The following GABRA2 variants were observed in gnomAD, a reference collection of about 807,000 sequenced individuals.
GABRA2 encodes gamma-aminobutyric acid type A receptor subunit alpha2, also known as gamma-aminobutyric acid receptor subunit alpha-2.
Under a neutral mutation model 48.7 loss-of-function variants are expected in GABRA2, and 16 were observed. The ratio of observed to expected loss-of-function variants is 0.33; its 90% CI spans 0.22 to 0.50. The LOEUF (loss-of-function observed/expected upper bound fraction) is 0.50, where lower values mean the gene tolerates loss of function less well. Ranked by LOEUF, GABRA2 falls within the 20% of genes least tolerant of loss-of-function variation. GABRA2 has a pLI of 0.98. For synonymous variants in GABRA2, 185 were observed against 184.5 expected (o/e 1.00, Z -0.02); for missense variants, 275 against 535.6 (o/e 0.51, Z 4.80).
At chr4:46,302,024 A>G (rs1464370395) in intron 8 of GABRA2, among the ~76,000 whole-genome samples, 1 of 152,150 alleles carries the variant, frequency 6.6e-6, no homozygotes, top group East Asian at 1.9e-4. Context: ...GAAGTTTGTT[A>G]TTAAATAAAC....
intron 8 of GABRA2, among the ~76,000 whole-genome samples, chr4:46,297,292 G>A (rs1161686028): frequency 6.6e-6 from 1 of 151,594 alleles, no homozygotes; most frequent in Admixed American, 6.6e-5. Flanking sequence ...AACGTGGAAA[G>A]ATTAGACTGG....
chr4:46,330,393 G>A (rs1731124483), intron 4 of GABRA2, among the ~76,000 whole-genome samples: 1 of 151,732 alleles, frequency 6.6e-6, no homozygotes. Flanking sequence ...CCCAAAGAGT[G>A]GTCACAACAA....
chr4:46,287,967 T>G (rs1577915024), intron 8 of GABRA2, among the ~76,000 whole-genome samples: 1 of 152,188 alleles, frequency 6.6e-6, no homozygotes, highest in South Asian at 2.1e-4. Flanking sequence ...AGTCACATCT[T>G]ACATGGATAG....
intron 3 of GABRA2, among the ~76,000 whole-genome samples, chr4:46,336,618 G>T (rs973615215): frequency 2.0e-5 from 3 of 152,102 alleles, no homozygotes; most frequent in African/African-American, 7.2e-5. Context: ...TTGATAACAG[G>T]TACTTTAGGA....
At chr4:46,378,123 C>A (rs1646689132) in intron 3 of GABRA2, among the ~76,000 whole-genome samples, 2 of 152,042 alleles carry the variant, frequency 1.3e-5, no homozygotes, top group South Asian at 2.1e-4. Context: ...AAGTGAGGAG[C>A]CCCTCTGCCC....
chr4:46,247,008 T>C lies in GABRA2; in HGVS notation c.*3300A>G, dbSNP rs985434445. Among the ~76,000 whole-genome samples, 29 of 151,254 alleles carry C rather than the reference T, an allele frequency of 1.9e-4. No individual in the cohort carries two copies. The highest frequency in any genetic ancestry group is 8.3e-4 in the South Asian group (4 of 4,824). On this transcript the variant is annotated 3_prime_UTR_variant, in exon 10 of 10. Coordinates refer to ENST00000381620, the MANE Select transcript of GABRA2 (RefSeq NM_000807.4). ...CAAAAAGAGCCACATAAATGCAAATTATACTTACCAAATAATGAGAGTAAA... is the reference window on the plus strand; with the variant it reads ...CAAAAAGAGCCACATAAATGCAAATCATACTTACCAAATAATGAGAGTAAA...
At chr4:46,353,139 A>G (rs1735414378) in intron 3 of GABRA2, among the ~76,000 whole-genome samples, 1 of 152,124 alleles carries the variant, frequency 6.6e-6, no homozygotes, top group Admixed American at 6.6e-5. Flanking sequence ...ATCATATTTA[A>G]GATAATCCTT....
intron 8 of GABRA2, among the ~76,000 whole-genome samples, chr4:46,283,544 A>C (rs1688879653): frequency 6.6e-6 from 1 of 152,226 alleles, no homozygotes; most frequent in Non-Finnish European, 1.5e-5. Flanking sequence ...AGTCGAAATG[A>C]ATCAGGGCTA....
chr4:46,283,799 A>G (rs1273340648), intron 8 of GABRA2, among the ~76,000 whole-genome samples: 1 of 152,166 alleles, frequency 6.6e-6, no homozygotes, highest in Non-Finnish European at 1.5e-5. Context: ...TCACTCTGTC[A>G]CCCAGGCCGG....
At chr4:46,340,171 T>G (rs1732972509) in intron 3 of GABRA2, among the ~76,000 whole-genome samples, 1 of 151,894 alleles carries the variant, frequency 6.6e-6, no homozygotes, top group Non-Finnish European at 1.5e-5. Context: ...GAACACTGCT[T>G]GCACTCATTC....
intron 3 of GABRA2, among the ~76,000 whole-genome samples, chr4:46,350,442 T>C (rs1734928650): frequency 1.3e-5 from 2 of 151,910 alleles, no homozygotes; most frequent in African/African-American, 4.8e-5. Flanking sequence ...ATGATATATA[T>C]GTAGGTATAT....
Position 46,246,075 on chromosome 4 carries a change from T to C in GABRA2, c.*4233A>G, listed in dbSNP as rs1224327040. Among the ~76,000 whole-genome samples the C allele has an allele frequency of 6.6e-6, 1 of 151,060 alleles. No homozygotes were observed. Among genetic ancestry groups the C allele is most frequent in the Non-Finnish European group, 1.5e-5 (1 of 67,370 alleles). On this transcript the variant is annotated 3_prime_UTR_variant, in exon 10 of 10. Transcript: ENST00000381620. Reference sequence around the variant, plus strand: ...AAATGACTTTCACATGAACTTTCTCTACTTTAGTATTTTAGTTATGATGCT... The same window carrying C: ...AAATGACTTTCACATGAACTTTCTCCACTTTAGTATTTTAGTTATGATGCT...
At chr4:46,274,115 G>A (rs1473293197) in intron 8 of GABRA2, among the ~76,000 whole-genome samples, 1 of 152,082 alleles carries the variant, frequency 6.6e-6, no homozygotes, top group African/African-American at 2.4e-5. Flanking sequence ...CTGACAGAAG[G>A]ATTGCTGATG....
At chr4:46,371,922 T>C (rs1429248320) in intron 3 of GABRA2, among the ~76,000 whole-genome samples, 1 of 152,186 alleles carries the variant, frequency 6.6e-6, no homozygotes, top group African/African-American at 2.4e-5. Flanking sequence ...TTGTAGGACA[T>C]GGTAGCCTGA....
chr4:46,292,263 C>A (rs144419653), intron 8 of GABRA2, among the ~76,000 whole-genome samples: 14 of 152,280 alleles, frequency 9.2e-5, no homozygotes, highest in Middle Eastern at 3.4e-3. Flanking sequence ...AGCCTCAAAT[C>A]CGCTAAGATT....
chr4:46,374,706 AT>A (rs965807780), intron 3 of GABRA2, among the ~76,000 whole-genome samples: 9 of 152,040 alleles, frequency 5.9e-5, no homozygotes, highest in African/African-American at 2.2e-4. Flanking sequence ...ATTTTAGTAT[AT>A]TTTTTGATGA....
chr4:46,256,530 A>G (rs1279337201), intron 9 of GABRA2, among the ~76,000 whole-genome samples: 4 of 151,586 alleles, frequency 2.6e-5, no homozygotes, highest in African/African-American at 9.6e-5. Context: ...TTTCTCTGAG[A>G]AAACTTATAT....
chr4:46,336,331 A>G (rs983650550), intron 3 of GABRA2, among the ~76,000 whole-genome samples: 2 of 152,180 alleles, frequency 1.3e-5, no homozygotes, highest in African/African-American at 4.8e-5. Flanking sequence ...TTGAGAGTAT[A>G]AGTAATAGGC....
intron 9 of GABRA2, chr4:46,261,412 T>C (rs921948494): frequency 1.3e-5 from 2 of 159,850 alleles, no homozygotes; most frequent in Admixed American, 5.9e-5. Flanking sequence ...AGGATTCAAT[T>C]CATTGATAGA....
Sources: allele counts gnomAD v4.1 joint callset (sites outside exome capture counted in the v4.1 genomes callset), GRCh38; gene constraint gnomAD v4.1.1; transcripts MANE v1.5; gene names NCBI Gene and HGNC (gene_info 2026-07-23, HGNC 2026-07-21).